Variants in KIF26B observed in about 807,000 individuals in gnomAD.
KIF26B encodes the protein kinesin-like protein KIF26B.
KIF26B carries 63 observed loss-of-function variants against 151.2 expected under a neutral mutation model. That is an observed-to-expected ratio of 0.42 (90% CI 0.34 to 0.51). The LOEUF (loss-of-function observed/expected upper bound fraction) is 0.51. Among genes scored for constraint, KIF26B ranks in the 20% least tolerant of loss-of-function variants. The probability of loss-of-function intolerance (pLI) is 0.07; values close to 1 mark genes in which losing one functional copy is unlikely to be tolerated. For missense variants in KIF26B, 2,813 were observed against 2,913.6 expected, an observed-to-expected ratio of 0.97 and a Z score of 0.79; for synonymous variants, 1,357 against 1,262.1, an observed-to-expected ratio of 1.08 and a Z score of -1.59.
Position 245,602,918 on chromosome 1 carries a change from A to G in KIF26B, c.1557+135A>G. 1.3e-6 allele frequency: 1 copy of G among 775,724 alleles called. No homozygotes were observed. Among genetic ancestry groups the G allele is most frequent in the Non-Finnish European group, 2.2e-6 (1 of 457,166 alleles). The allele number at this position is 775,724 out of a possible 1,614,324, so 48.1% of individuals were successfully genotyped here. A position where few individuals can be genotyped will look rare whatever the true frequency, so the allele number is the denominator to read the frequency against. ...ACCAGTTCCTTCAGGAGTCAATCTG[A>G]GCTCCACCGAATGGTCCAGTGCTTT... On this transcript the variant is annotated intron_variant, in intron 6 of 14. Coordinates refer to ENST00000407071, the MANE Select transcript of KIF26B (RefSeq NM_018012.4). The surrounding 1 kb of genome is among the most constrained non-coding windows in gnomAD (Gnocchi z 4.5).
chr1:245,634,312 C>G (rs938305797), intron 9 of KIF26B, among the ~76,000 whole-genome samples: 1 of 152,150 alleles, frequency 6.6e-6, no homozygotes, highest in African/African-American at 2.4e-5. Context: ...ATCTGGATAT[C>G]GTTCATTTAT....
chr1:245,691,290 T>C (rs2044623599), intron 12 of KIF26B, among the ~76,000 whole-genome samples: 1 of 152,268 alleles, frequency 6.6e-6, no homozygotes, highest in African/African-American at 2.4e-5. Flanking sequence ...GCCCTTGCTC[T>C]GGGCTAAGTG....
rs1194859170 is a variant in KIF26B, at chr1:245,564,155, G to A, written c.1350+23205G>A. The stretch of plus-strand genomic sequence containing the variant: ...TCCCCTGTGTTGCAGCCACACTGAA[G>A]CCTCAATGTCCCCTAAACATTCCAG... On this transcript the variant is annotated intron_variant, in intron 5 of 14. Transcript: ENST00000407071. The surrounding 1 kb of genome is among the most constrained non-coding windows in gnomAD (Gnocchi z 4.6). 6.6e-6 allele frequency among the ~76,000 whole-genome samples: 1 copy of A among 152,122 alleles called. No individual in the cohort carries two copies. The highest frequency in any genetic ancestry group is 1.5e-5 in the Non-Finnish European group (1 of 68,024).
intron 4 of KIF26B, among the ~76,000 whole-genome samples, chr1:245,504,865 A>C (rs546213095): frequency 6.6e-6 from 1 of 152,360 alleles, no homozygotes; most frequent in African/African-American, 2.4e-5. Context: ...AACGAATTTT[A>C]AATGAATAAA....
intron 2 of KIF26B, among the ~76,000 whole-genome samples, chr1:245,301,420 T>C (rs2102977692): frequency 6.6e-6 from 1 of 152,296 alleles, no homozygotes; most frequent in East Asian, 1.9e-4. Context: ...GGGCTTTCTG[T>C]TTTGGAGATA....
chr1:245,328,911 T>G (rs1236505247), intron 2 of KIF26B, among the ~76,000 whole-genome samples: 1 of 152,232 alleles, frequency 6.6e-6, no homozygotes, highest in Admixed American at 6.5e-5. Flanking sequence ...GCGGTTCTTA[T>G]GTCCACCCAC....
At chr1:245,389,830 T>C (rs1314067979) in intron 3 of KIF26B, among the ~76,000 whole-genome samples, 2 of 152,224 alleles carry the variant, frequency 1.3e-5, no homozygotes, top group South Asian at 4.1e-4. Flanking sequence ...AGTGAGGCCT[T>C]TCCTCCTTTC....
chr1:245,682,139 G>A (rs1010421669), intron 10 of KIF26B, among the ~76,000 whole-genome samples: 15 of 152,174 alleles, frequency 9.9e-5, no homozygotes, highest in Non-Finnish European at 1.5e-4. Context: ...CAGCTACTCC[G>A]GAGGCTGAGG....
At chr1:245,350,849 G>A (rs929372403) in intron 2 of KIF26B, among the ~76,000 whole-genome samples, 4 of 152,166 alleles carry the variant, frequency 2.6e-5, no homozygotes, top group African/African-American at 9.7e-5. Context: ...GTCTTCATGG[G>A]TAACTATCTC....
intron 2 of KIF26B, among the ~76,000 whole-genome samples, chr1:245,304,300 C>G (rs531747809): frequency 6.6e-6 from 1 of 152,226 alleles, no homozygotes; most frequent in Non-Finnish European, 1.5e-5. Context: ...TATACCTCCT[C>G]TCCTCTCTGA....
chr1:245,701,549 GAC>G (rs1178042475), intron 14 of KIF26B, among the ~76,000 whole-genome samples: 1 of 152,164 alleles, frequency 6.6e-6, no homozygotes, highest in Non-Finnish European at 1.5e-5. Flanking sequence ...GCAGAAAGAA[GAC>G]ACTCTGCAGA....
intron 4 of KIF26B, among the ~76,000 whole-genome samples, chr1:245,528,096 G>T (rs1661279989): frequency 6.6e-6 from 1 of 152,096 alleles, no homozygotes; most frequent in Non-Finnish European, 1.5e-5. Context: ...AAAAGTACGT[G>T]TGCACCTAAG....
chr1:245,414,957 T>C (rs763699117), intron 3 of KIF26B, among the ~76,000 whole-genome samples: 1 of 152,330 alleles, frequency 6.6e-6, no homozygotes, highest in South Asian at 2.1e-4. Context: ...ATCAGAGGCC[T>C]GTGTTTCCAG....
intron 2 of KIF26B, among the ~76,000 whole-genome samples, chr1:245,316,949 C>T (rs1237283846): frequency 1.3e-5 from 2 of 149,074 alleles, no homozygotes; most frequent in Non-Finnish European, 3.0e-5. Context: ...GAGGGACTCC[C>T]GAGACCTGGT....
At chr1:245,552,968 G>C (rs1661930009) in intron 5 of KIF26B, among the ~76,000 whole-genome samples, 1 of 152,176 alleles carries the variant, frequency 6.6e-6, no homozygotes, top group Non-Finnish European at 1.5e-5. Flanking sequence ...GGGCTTGTTA[G>C]ATGCTGCCCA....
chr1:245,438,795 C>T (rs1324846173), intron 4 of KIF26B, among the ~76,000 whole-genome samples: 2 of 152,166 alleles, frequency 1.3e-5, no homozygotes, highest in African/African-American at 4.8e-5. Context: ...CCCACCTCTA[C>T]AGATGGAAGG....
In KIF26B at chr1:245,182,675, G is replaced by A. The variant is rs113349752; in HGVS notation, c.465+25992G>A. Among the ~76,000 whole-genome samples the A allele has an allele frequency of 6.2e-3, 943 of 151,988 alleles. 7 individuals carry two copies. Among genetic ancestry groups the A allele is most frequent in the African/African-American group, 0.021 (880 of 41,426 alleles). ...TTTTGAAATAGAGTCTCACTCTGTC[G>A]CCCAGGCTGGAGTGCAGTGGCGCCA... is the stretch of plus-strand genomic sequence containing the variant. On this transcript the variant is annotated intron_variant, in intron 2 of 14. Transcript: ENST00000407071.
chr1:245,575,645 C>T (rs1037287950), intron 5 of KIF26B, among the ~76,000 whole-genome samples: 1 of 152,156 alleles, frequency 6.6e-6, no homozygotes, highest in African/African-American at 2.4e-5. Context: ...ACTTTCCCCT[C>T]AGAGAGTGGC....
Position 245,597,623 on chromosome 1 carries a change from C to A in KIF26B, c.1351-4954C>A, listed in dbSNP as rs747526785. ...TTTTGTGTCTTGGGGTTGCTCTTCT[C>A]GAGGAGTATCTTTTTGGTGTTCTCT... On this transcript the variant is annotated intron_variant, in intron 5 of 14. Transcript: ENST00000407071. This position sits in a 1 kb window ranked among gnomAD's most constrained non-coding sequence, Gnocchi z 4.6. 5.9e-5 allele frequency among the ~76,000 whole-genome samples: 9 copies of A among 152,092 alleles called. No homozygotes were observed. Among genetic ancestry groups the A allele is most frequent in the Non-Finnish European group, 1.3e-4 (9 of 68,034 alleles).
Sources: allele counts gnomAD v4.1 joint callset (sites outside exome capture counted in the v4.1 genomes callset), GRCh38; gene constraint gnomAD v4.1.1; non-coding constraint Gnocchi (gnomAD v3.1); transcripts MANE v1.5; gene names NCBI Gene and HGNC (gene_info 2026-07-23, HGNC 2026-07-21).